The following ARSK variants were observed in gnomAD, a reference collection of about 807,000 sequenced individuals.
The protein encoded by ARSK is arylsulfatase family member K, also known as arylsulfatase K.
Under a neutral mutation model 53.2 loss-of-function variants are expected in ARSK, and 37 were observed. That is an observed-to-expected ratio of 0.70 (90% confidence interval 0.54 to 0.92). The LOEUF is 0.92. Among genes scored for constraint, ARSK ranks in the 40% least tolerant of loss-of-function variants. ARSK has a pLI of 0.00. For synonymous variants in ARSK, 208 were observed against 223.2 expected (o/e 0.93, Z 0.61); for missense variants, 613 against 643.0 (o/e 0.95, Z 0.51).
At chr5:95,584,027 G>T (rs1749066702) in intron 4 of ARSK, among the ~76,000 whole-genome samples, 1 of 152,166 alleles carries the variant, frequency 6.6e-6, no homozygotes, top group Non-Finnish European at 1.5e-5. Context: ...TTGAATGACA[G>T]CAGTGTCAAC....
At chr5:95,588,790 C>T (rs1334603562) in intron 5 of ARSK, among the ~76,000 whole-genome samples, 3 of 151,862 alleles carry the variant, frequency 2.0e-5, no homozygotes, top group Non-Finnish European at 2.9e-5. Flanking sequence ...GATGAAACCC[C>T]ATCTCTACTA....
At chr5:95,598,543 G>C (rs957858119) in intron 6 of ARSK, among the ~76,000 whole-genome samples, 19 of 152,050 alleles carry the variant, frequency 1.2e-4, no homozygotes, top group African/African-American at 4.6e-4. Flanking sequence ...CTCTTGCCTG[G>C]ATTCCTGCAA....
At position 95,574,572 on chromosome 5, in the gene ARSK, T is replaced by G. The variant is rs374082082; in HGVS notation, c.416+6523T>G. On this transcript the variant is annotated intron_variant, in intron 3 of 7. Coordinates refer to ENST00000380009, the MANE Select transcript of ARSK (RefSeq NM_198150.3). ...GACGATATCTCATTATAGTTTTGATTTGCATTTCTCTAATGATCAATGTTG... is the reference window on the plus strand; with the variant it reads ...GACGATATCTCATTATAGTTTTGATGTGCATTTCTCTAATGATCAATGTTG... Among the ~76,000 whole-genome samples the G allele has an allele frequency of 1.1e-4, 17 of 152,354 alleles. 1 individual carries two copies. Among genetic ancestry groups the G allele is most frequent in the African/African-American group, 3.4e-4 (14 of 41,578 alleles).
chr5:95,569,096 G>A (rs1051246140), intron 3 of ARSK, among the ~76,000 whole-genome samples: 1 of 152,122 alleles, frequency 6.6e-6, no homozygotes, highest in African/African-American at 2.4e-5. Flanking sequence ...ATAGCCATGA[G>A]CGCAGCTGTA....
Position 95,583,123 on chromosome 5 carries a change from C to T in ARSK, c.624C>T (p.His208=), listed in dbSNP as rs749518911. Residue 208 remains histidine (H), a synonymous_variant, in exon 4 of 8, where the codon CAC becomes CAT. Transcript: ENST00000380009. ...TTTACTTGGGATTAAATTTACCACA[C>T]CCTTACCCTTCACCATCTTCTGGAG... ...FVIYLGLNLP[H]PYPSPSSGEN... is the part of the protein sequence containing the mutation. 2 of 1,610,794 alleles carry T rather than the reference C, an allele frequency of 1.2e-6. No homozygotes were observed. Among genetic ancestry groups the T allele is most frequent in the East Asian group, 4.5e-5 (2 of 44,834 alleles).
intron 1 of ARSK, among the ~76,000 whole-genome samples, chr5:95,564,667 T>C (rs1748697958): frequency 1.3e-5 from 2 of 152,204 alleles, no homozygotes; most frequent in African/African-American, 4.8e-5. Flanking sequence ...GTGCATTTTC[T>C]GGCCTCATTT....
At chr5:95,559,425 C>A (rs1748588908) in intron 1 of ARSK, among the ~76,000 whole-genome samples, 2 of 152,152 alleles carry the variant, frequency 1.3e-5, no homozygotes, top group Non-Finnish European at 2.9e-5. Flanking sequence ...GATTTGGTAT[C>A]CTTGGGAGGT....
At chr5:95,575,378 A>G (rs538619896) in intron 3 of ARSK, among the ~76,000 whole-genome samples, 11 of 152,206 alleles carry the variant, frequency 7.2e-5, no homozygotes, top group Admixed American at 5.2e-4. Context: ...TTGTGGTTCC[A>G]TATAAATTTT....
intron 3 of ARSK, among the ~76,000 whole-genome samples, chr5:95,576,915 A>T (rs1481283057): frequency 1.3e-5 from 2 of 152,132 alleles, no homozygotes; most frequent in African/African-American, 4.8e-5. Flanking sequence ...GTAAATAGGG[A>T]TGATAGGCCT....
intron 1 of ARSK, among the ~76,000 whole-genome samples, chr5:95,563,053 G>A (rs530865502): frequency 1.3e-5 from 2 of 152,228 alleles, no homozygotes; most frequent in South Asian, 2.1e-4. Flanking sequence ...TCTACTGACC[G>A]TCTCCCATTG....
intron 3 of ARSK, among the ~76,000 whole-genome samples, chr5:95,575,663 G>T (rs1748912783): frequency 6.6e-6 from 1 of 152,070 alleles, no homozygotes; most frequent in Non-Finnish European, 1.5e-5. Flanking sequence ...TCATGGGATG[G>T]GATTACTTTC....
chr5:95,560,378 C>T (rs956898373), intron 1 of ARSK, among the ~76,000 whole-genome samples: 3 of 150,946 alleles, frequency 2.0e-5, no homozygotes, highest in Non-Finnish European at 4.4e-5. Flanking sequence ...CCAGAATAGC[C>T]AAAAATAAAT....
At chr5:95,594,765 G>A (rs1383506198) in intron 6 of ARSK, among the ~76,000 whole-genome samples, 1 of 151,988 alleles carries the variant, frequency 6.6e-6, no homozygotes, top group Non-Finnish European at 1.5e-5. Flanking sequence ...GCGTGAATCT[G>A]GGAGGCGGAG....
At chr5:95,558,162 T>C (rs1044433576) in intron 1 of ARSK, among the ~76,000 whole-genome samples, 1 of 152,198 alleles carries the variant, frequency 6.6e-6, no homozygotes, top group African/African-American at 2.4e-5. Flanking sequence ...TGAATGCAGC[T>C]GAGAAGTTGA....
chr5:95,597,063 T>G (rs1431258255), intron 6 of ARSK, among the ~76,000 whole-genome samples: 1 of 152,144 alleles, frequency 6.6e-6, no homozygotes, highest in Non-Finnish European at 1.5e-5. Context: ...TGAGATTATT[T>G]AAAAATTACT....
At chr5:95,592,611 C>T (rs1445786567) in intron 6 of ARSK, among the ~76,000 whole-genome samples, 7 of 151,940 alleles carry the variant, frequency 4.6e-5, no homozygotes, top group African/African-American at 1.7e-4. Flanking sequence ...TGCAGTGGTG[C>T]GATTTCGGCT....
rs554154899 is a variant in ARSK, at chr5:95,555,479, C to A, written c.126+75C>A. On this transcript the variant is annotated intron_variant, in intron 1 of 7. Transcript: ENST00000380009. This position sits in a 1 kb window ranked among gnomAD's most constrained non-coding sequence, Gnocchi z 4.0. ...TCACCGCCGCCGCCTGTGCTGCAGG[C>A]TTTGGGGAGCAGAACCTGAGACATT... The A allele has an allele frequency of 6.8e-7, 1 of 1,480,702 alleles. No homozygotes were observed. The highest frequency in any genetic ancestry group is 1.2e-5 in the South Asian group (1 of 80,516). 91.7% of individuals were successfully genotyped at this position (1,480,702 alleles called of 1,614,324 possible).
At chr5:95,562,803 A>T (rs1748664126) in intron 1 of ARSK, among the ~76,000 whole-genome samples, 1 of 152,204 alleles carries the variant, frequency 6.6e-6, no homozygotes, top group Non-Finnish European at 1.5e-5. Flanking sequence ...AGAGTGCTTA[A>T]TTTGTTTGAA....
chr5:95,570,751 C>T (rs1748814207), intron 3 of ARSK, among the ~76,000 whole-genome samples: 3 of 151,832 alleles, frequency 2.0e-5, no homozygotes, highest in Admixed American at 6.6e-5. Context: ...AATGGCTTAA[C>T]CAGAATTGCA....
Sources: gnomAD v4.1 joint callset for allele counts (sites outside exome capture counted in the v4.1 genomes callset) on GRCh38, gnomAD v4.1.1 for gene constraint, Gnocchi (gnomAD v3.1) non-coding constraint, MANE v1.5 for transcripts, NCBI Gene and HGNC (gene_info 2026-07-23, HGNC 2026-07-21) for gene names.